The following WDTC1 variants were observed in gnomAD, a reference collection of about 807,000 sequenced individuals.
The protein encoded by WDTC1 is WD and tetratricopeptide repeats 1, also known as WD and tetratricopeptide repeats protein 1.
WDTC1 carries 12 observed loss-of-function variants against 76.0 expected under a neutral mutation model. The observed-to-expected ratio is 0.16, with a 90% CI of 0.10 to 0.26. The LOEUF is 0.26. Ranked by LOEUF, WDTC1 falls within the 10% of genes least tolerant of loss-of-function variation. The probability of loss-of-function intolerance (pLI) is 1.00; values close to 1 mark genes in which losing one functional copy is unlikely to be tolerated. For synonymous variants in WDTC1, 326 were observed against 350.8 expected (o/e 0.93, Z 0.79); for missense variants, 511 against 908.8 (o/e 0.56, Z 5.63).
At chr1:27,242,466 GTC>G (rs977788700) in intron 1 of WDTC1, among the ~76,000 whole-genome samples, 22 of 151,958 alleles carry the variant, frequency 1.4e-4, no homozygotes, top group African/African-American at 3.4e-4. Flanking sequence ...GCTAGACCCT[GTC>G]TCTTTTTTTT....
chr1:27,286,942 C>G (rs1230005593), intron 5 of WDTC1, among the ~76,000 whole-genome samples: 1 of 151,992 alleles, frequency 6.6e-6, no homozygotes, highest in African/African-American at 2.4e-5. Flanking sequence ...GCAGGTGGAT[C>G]ACCTGAGGTC....
chr1:27,301,218 C>G lies in WDTC1; in HGVS notation c.1233-8C>G, dbSNP rs767512582. On this transcript the variant is annotated splice_region_variant and splice_polypyrimidine_tract_variant and intron_variant, in intron 12 of 15. Coordinates refer to ENST00000319394, the MANE Select transcript of WDTC1 (RefSeq NM_001276252.2). This position sits in a 1 kb window ranked among gnomAD's most constrained non-coding sequence, Gnocchi z 5.8. ...CCACCTCCAAGCCGCTCTTCCCTGC[C>G]TTCCCAGGGATGGTGACCACTATGA... The G allele has an allele frequency of 6.2e-7, 1 of 1,612,144 alleles. No homozygotes were observed. The highest frequency in any genetic ancestry group is 8.5e-7 in the Non-Finnish European group (1 of 1,178,600).
At position 27,245,000 on chromosome 1, in the gene WDTC1, G is replaced by A. The variant is rs181523442; in HGVS notation, c.-100+10049G>A. 1.1e-3 allele frequency among the ~76,000 whole-genome samples: 170 copies of A among 151,786 alleles called. 1 individual carries two copies. Among genetic ancestry groups the A allele is most frequent in the African/African-American group, 3.6e-3 (149 of 41,188 alleles). On this transcript the variant is annotated intron_variant, in intron 1 of 15. Transcript: ENST00000319394. ...AGAGTCCACCTCTCATTTTACAAAC[G>A]GCAGAATAGACTGAGAGAGCAAAAT...
chr1:27,288,358 ATTTT>A (rs1333464549), intron 6 of WDTC1, among the ~76,000 whole-genome samples: 6 of 146,218 alleles, frequency 4.1e-5, no homozygotes, highest in African/African-American at 1.2e-4. Context: ...TTATTTATTT[ATTTT>A]TTTTTTTATT....
In WDTC1 at chr1:27,296,364, C is replaced by T; in HGVS notation, c.912C>T (p.Tyr304=). 1 of 1,614,076 alleles carries T rather than the reference C, an allele frequency of 6.2e-7. No homozygotes were observed. The highest frequency in any genetic ancestry group is 8.5e-7 in the Non-Finnish European group (1 of 1,180,018). ...ACTTGACTTACAAGCAGCGGCCGTA[C>T]ACCTTCCTCTTGCCTAGAAAATGCC... The part of the protein sequence containing the change: ...LFDLTYKQRP[Y]TFLLPRKCHS... The change falls in exon 10 of 16, where the codon TAC becomes TAT. Residue 304 remains tyrosine (Y), a synonymous_variant. Transcript: ENST00000319394.
intron 14 of WDTC1, chr1:27,304,272 A>T (rs1453264184): frequency 6.0e-6 from 1 of 165,536 alleles, no homozygotes; most frequent in Non-Finnish European, 1.3e-5. Context: ...TCATTTGTAG[A>T]TGTACTTTCT....
intron 14 of WDTC1, chr1:27,304,600 A>C (rs2013908851): frequency 6.3e-6 from 1 of 158,820 alleles, no homozygotes; most frequent in African/African-American, 2.4e-5. Flanking sequence ...TCTCTAAGAA[A>C]AAAAAAGAAT....
At position 27,296,320 on chromosome 1, in the gene WDTC1, C is replaced by T. The variant is rs773325090; in HGVS notation, c.874-6C>T. The T allele has an allele frequency of 1.3e-5, 21 of 1,613,940 alleles. No homozygotes were observed. In the South Asian group the frequency reaches 1.9e-4, roughly 14 times the overall value. Reference sequence around the variant, plus strand: ...CCATCTCTTTTTTTGCCCCCCTCAACTCTAGGTCTATTTGTTTGACTTGAC... The same window carrying T: ...CCATCTCTTTTTTTGCCCCCCTCAATTCTAGGTCTATTTGTTTGACTTGAC... On this transcript the variant is annotated splice_polypyrimidine_tract_variant and splice_region_variant and intron_variant, in intron 9 of 15. Transcript: ENST00000319394.
At chr1:27,278,014 T>G (rs943692109) in intron 3 of WDTC1, among the ~76,000 whole-genome samples, 12 of 152,100 alleles carry the variant, frequency 7.9e-5, no homozygotes, top group South Asian at 2.1e-4. Context: ...CTAATTTTTT[T>G]TGTGTTTTAG....
At chr1:27,304,918 C>T (rs1476258086) in intron 14 of WDTC1, 83 bp from the exon 15 acceptor site, 5 of 1,411,786 alleles carry the variant, frequency 3.5e-6, no homozygotes, top group Non-Finnish European at 4.7e-6. Flanking sequence ...CCTTGCTCCC[C>T]CTTTACCTAG....
chr1:27,266,113 C>T (rs1234063275), intron 3 of WDTC1, among the ~76,000 whole-genome samples: 1 of 152,020 alleles, frequency 6.6e-6, no homozygotes, highest in Non-Finnish European at 1.5e-5. Context: ...AATGGGATGC[C>T]TGAATAATAT....
At chr1:27,272,018 G>T (rs1385360968) in intron 3 of WDTC1, among the ~76,000 whole-genome samples, 1 of 150,326 alleles carries the variant, frequency 6.7e-6, no homozygotes, top group African/African-American at 2.4e-5. Flanking sequence ...GGCCGAGGCG[G>T]GCGGATCACC....
At chr1:27,289,726 C>T (rs556065849) in intron 6 of WDTC1, among the ~76,000 whole-genome samples, 1 of 152,272 alleles carries the variant, frequency 6.6e-6, no homozygotes, top group Non-Finnish European at 1.5e-5. Context: ...ACTCCGTCTG[C>T]AATCCCGGCA....
rs1003336452 is a variant in WDTC1 at position 27,306,131 on chromosome 1, C to T, written c.1837-55C>T. Reference sequence around the variant, plus strand: ...CCCTCCCCCTCCCCTATACGTGTACCCTGGTGCCTCTCCCTCCCTGAGCCC... The same window carrying T: ...CCCTCCCCCTCCCCTATACGTGTACTCTGGTGCCTCTCCCTCCCTGAGCCC... On this transcript the variant is annotated intron_variant, in intron 15 of 15. Coordinates refer to ENST00000319394, the MANE Select transcript of WDTC1 (RefSeq NM_001276252.2). The surrounding 1 kb of genome is among the most constrained non-coding windows in gnomAD (Gnocchi z 5.0). 1 of 1,602,846 alleles carries T rather than the reference C, an allele frequency of 6.2e-7. No homozygotes were observed. Among genetic ancestry groups the T allele is most frequent in the Middle Eastern group, 1.7e-4 (1 of 6,034 alleles).
intron 6 of WDTC1, among the ~76,000 whole-genome samples, chr1:27,289,586 G>A (rs1215103080): frequency 3.3e-5 from 5 of 152,216 alleles, no homozygotes; most frequent in East Asian, 1.9e-4. Flanking sequence ...ACGGGATGGC[G>A]GCCAGGCAGA....
rs1321052529 is a variant in WDTC1, at chr1:27,305,014, A to G, written c.1657A>G (p.Ile553Val). 6.2e-7 allele frequency: 1 copy of G among 1,613,844 alleles called. No individual in the cohort carries two copies. The highest frequency in any genetic ancestry group is 8.5e-7 in the Non-Finnish European group (1 of 1,179,858). Reference protein sequence around the residue: ...ANFFGSNAQYIVSGSDDGSFF... With the variant: ...ANFFGSNAQYVVSGSDDGSFF... ...CCCCCCCGCCAGCAACGCTCAGTAT[A>G]TCGTCAGTGGCTCTGACGATGGCTC... Residue 553 changes from isoleucine (I) to valine (V), a missense_variant, in exon 15 of 16, where the codon ATC (isoleucine) becomes GTC (valine). Ile to Val is a conservative substitution (Grantham distance 29). Coordinates refer to ENST00000319394, the MANE Select transcript of WDTC1 (RefSeq NM_001276252.2). The surrounding 1 kb of genome is among the most constrained non-coding windows in gnomAD (Gnocchi z 4.6).
At chr1:27,243,796 G>A (rs1321048265) in intron 1 of WDTC1, among the ~76,000 whole-genome samples, 1 of 152,020 alleles carries the variant, frequency 6.6e-6, no homozygotes, top group Non-Finnish European at 1.5e-5. Context: ...CCCTGCAGAG[G>A]TAGGTATTAT....
chr1:27,283,147 A>AAT (rs2013238729), intron 4 of WDTC1, among the ~76,000 whole-genome samples, 191 bp from the exon 5 acceptor site: 1 of 152,034 alleles, frequency 6.6e-6, no homozygotes, highest in African/African-American at 2.4e-5. Flanking sequence ...TCAAAAAAAA[A>AAT]AAAAAGAATA....
At chr1:27,298,209 C>T in intron 12 of WDTC1, 98 bp downstream of exon 12, 6 of 1,431,084 alleles carry the variant, frequency 4.2e-6, no homozygotes, top group Non-Finnish European at 5.6e-6. Context: ...CCAAGGCATC[C>T]AGGGAAAGTG....
Sources: gnomAD v4.1 joint callset for allele counts (sites outside exome capture counted in the v4.1 genomes callset) on GRCh38, gnomAD v4.1.1 for gene constraint, Gnocchi (gnomAD v3.1) non-coding constraint, MANE v1.5 for transcripts, NCBI Gene and HGNC (gene_info 2026-07-23, HGNC 2026-07-21) for gene names.